CUX1: variants seen among roughly 807,000 people sequenced by gnomAD.
The protein encoded by CUX1 is cut like homeobox 1.
A neutral mutation model predicts 158.8 loss-of-function variants in CUX1; 31 were observed. The ratio of observed to expected loss-of-function variants is 0.20; its 90% CI spans 0.15 to 0.26. The LOEUF (loss-of-function observed/expected upper bound fraction) is 0.26, where lower values mean the gene tolerates loss of function less well. Ranked by LOEUF, CUX1 falls within the 10% of genes least tolerant of loss-of-function variation. CUX1 has a pLI of 1.00. For synonymous variants in CUX1, 879 were observed against 862.1 expected (o/e 1.02, Z -0.34); for missense variants, 1,589 against 2,014.6 (o/e 0.79, Z 4.04).
intron 9 of CUX1, among the ~76,000 whole-genome samples, chr7:102,167,353 T>G (rs1158373732): frequency 4.6e-5 from 7 of 152,168 alleles, no homozygotes; most frequent in African/African-American, 1.7e-4. Context: ...CCTTCTTTTG[T>G]GAACCATCAC....
intron 5 of CUX1, among the ~76,000 whole-genome samples, chr7:102,103,967 C>G (rs1249097736): frequency 1.3e-5 from 2 of 152,000 alleles, no homozygotes; most frequent in African/African-American, 4.8e-5. Flanking sequence ...TTAAACCCAC[C>G]TAAAACTTTA....
At chr7:102,237,271 C>T (rs1483778882) in intron 22 of CUX1, among the ~76,000 whole-genome samples, 2 of 152,106 alleles carry the variant, frequency 1.3e-5, no homozygotes, top group African/African-American at 4.8e-5. Flanking sequence ...GTTGCCCAGG[C>T]TGGAGGGCAG....
intron 2 of CUX1, among the ~76,000 whole-genome samples, chr7:102,013,347 C>T (rs924741770): frequency 6.6e-6 from 1 of 152,194 alleles, no homozygotes; most frequent in African/African-American, 2.4e-5. Context: ...CATTTATGGA[C>T]TTCTATGATT....
At chr7:101,918,596 C>T (rs890440406) in intron 2 of CUX1, among the ~76,000 whole-genome samples, 2 of 152,212 alleles carry the variant, frequency 1.3e-5, no homozygotes, top group African/African-American at 4.8e-5. Flanking sequence ...CTGCAGCATG[C>T]GGTCCTGGGG....
intron 1 of CUX1, among the ~76,000 whole-genome samples, chr7:101,850,238 A>G (rs1022742663): frequency 2.0e-5 from 3 of 151,952 alleles, no homozygotes; most frequent in African/African-American, 7.3e-5. Flanking sequence ...TCATTTTAAA[A>G]TGCAATTTTT....
At chr7:101,930,161 C>T (rs927261783) in intron 2 of CUX1, among the ~76,000 whole-genome samples, 4 of 152,206 alleles carry the variant, frequency 2.6e-5, no homozygotes, top group Non-Finnish European at 4.4e-5. Flanking sequence ...AATTTTTAGT[C>T]ACTTAACCAT....
chr7:102,064,659 G>A (rs992730652), intron 3 of CUX1, among the ~76,000 whole-genome samples: 5 of 152,080 alleles, frequency 3.3e-5, no homozygotes, highest in East Asian at 1.9e-4. Flanking sequence ...CTTCCTGGCT[G>A]GTAGCCATGT....
intron 1 of CUX1, among the ~76,000 whole-genome samples, chr7:101,912,304 A>G (rs1281415475): frequency 6.8e-6 from 1 of 147,536 alleles, no homozygotes; most frequent in Non-Finnish European, 1.5e-5. Flanking sequence ...ATATTGTGCA[A>G]GAAACAGCTG....
intron 1 of CUX1, among the ~76,000 whole-genome samples, chr7:101,830,915 G>A (rs1357177611): frequency 6.6e-6 from 1 of 152,144 alleles, no homozygotes; most frequent in African/African-American, 2.4e-5. Flanking sequence ...GTGTTTTGGG[G>A]TGATTCATTT....
chr7:101,881,287 G>C (rs1584866925), intron 1 of CUX1, among the ~76,000 whole-genome samples: 1 of 152,176 alleles, frequency 6.6e-6, no homozygotes, highest in Non-Finnish European at 1.5e-5. Context: ...GCCAAGAGAA[G>C]ATGAATGTTG....
intron 2 of CUX1, among the ~76,000 whole-genome samples, chr7:101,993,678 T>G (rs777898223): frequency 2.6e-5 from 4 of 152,218 alleles, no homozygotes; most frequent in Admixed American, 6.5e-5. Context: ...CCCCACGGGT[T>G]TCTTAGCCTC....
chr7:101,971,149 G>A (rs1229096922), intron 2 of CUX1, among the ~76,000 whole-genome samples: 2 of 152,332 alleles, frequency 1.3e-5, no homozygotes, highest in African/African-American at 2.4e-5. Context: ...CCAGTATGGC[G>A]CTGCCAGCAA....
chr7:101,998,215 T>G (rs1816214638), intron 2 of CUX1, among the ~76,000 whole-genome samples: 1 of 152,062 alleles, frequency 6.6e-6, no homozygotes, highest in Non-Finnish European at 1.5e-5. Context: ...CAGTGTGGAT[T>G]GCAGGGCTGT....
At chr7:101,942,644 G>T (rs1158967123) in intron 2 of CUX1, among the ~76,000 whole-genome samples, 3 of 152,154 alleles carry the variant, frequency 2.0e-5, no homozygotes, top group Non-Finnish European at 4.4e-5. Flanking sequence ...TAAATTATTT[G>T]TAGAGACAGG....
chr7:102,147,390 C>T (rs1348830523), intron 8 of CUX1, among the ~76,000 whole-genome samples: 14 of 152,132 alleles, frequency 9.2e-5, no homozygotes, highest in South Asian at 2.1e-4. Flanking sequence ...GTGTTGGGCA[C>T]GGGGATGAGT....
In CUX1 at chr7:101,943,462, G is replaced by A. The variant is rs147433473; in HGVS notation, c.141+27237G>A. Among the ~76,000 whole-genome samples the A allele has an allele frequency of 4.8e-3, 737 of 152,044 alleles. 10 individuals carry two copies. Among genetic ancestry groups the A allele is most frequent in the African/African-American group, 0.017 (689 of 41,476 alleles). The stretch of plus-strand genomic sequence containing the variant: ...AAATGACCAATTCATCTAAAACCCC[G>A]AGCTGGCAGATGCTCTCCCGCGCGG... On this transcript the variant is annotated intron_variant, in intron 2 of 23. Transcript: ENST00000292535.
At chr7:102,076,246 G>A (rs1255351118) in intron 4 of CUX1, among the ~76,000 whole-genome samples, 8 of 152,072 alleles carry the variant, frequency 5.3e-5, no homozygotes, top group African/African-American at 1.7e-4. Flanking sequence ...TTAGGTGGGC[G>A]TGGTGGTGGG....
chr7:102,145,168 C>G (rs1307946150), intron 8 of CUX1, among the ~76,000 whole-genome samples: 2 of 150,874 alleles, frequency 1.3e-5, no homozygotes, highest in African/African-American at 2.4e-5. Context: ...ATCTTTAAGT[C>G]TTGGTCATTG....
At chr7:101,936,182 G>A (rs1454979988) in intron 2 of CUX1, among the ~76,000 whole-genome samples, 1 of 151,392 alleles carries the variant, frequency 6.6e-6, no homozygotes, top group East Asian at 2.0e-4. Flanking sequence ...GATTCTGACT[G>A]TGGAACTGGG....
Sources: gnomAD v4.1 joint callset for allele counts (sites outside exome capture counted in the v4.1 genomes callset) on GRCh38, gnomAD v4.1.1 for gene constraint, MANE v1.5 for transcripts, NCBI Gene and HGNC (gene_info 2026-07-23, HGNC 2026-07-21) for gene names.